The following COA5 variants were observed in gnomAD, a reference collection of about 807,000 sequenced individuals.
The protein encoded by COA5 is protein C2orf64.
Under a neutral mutation model 11.8 loss-of-function variants are expected in COA5, and 11 were observed. The observed-to-expected ratio is 0.93, with a 90% confidence interval of 0.59 to 1.54. COA5 has a LOEUF of 1.54. Among genes scored for constraint, COA5 ranks in the 40% most tolerant of loss-of-function variants. The pLI is 0.00. For missense variants in COA5, 87 were observed against 89.2 expected (o/e 0.97, Z 0.10); for synonymous variants, 38 against 37.5 (o/e 1.01, Z -0.05).
chr2:98,608,367 C>T lies in COA5; in HGVS notation c.39G>A (p.Ala13=). The change falls in exon 1 of 3, where the codon GCG becomes GCA. Residue 13 remains alanine, a synonymous_variant. Coordinates refer to ENST00000328709, the MANE Select transcript of COA5 (RefSeq NM_001008215.3). ...KYYEDKPQGG[A]CAGLKEDLGA... is the part of the protein sequence containing the mutation. ...CCAGGTCCTCCTTCAGGCCCGCGCA[C>T]GCGCCGCCCTGCGGCTTGTCCTCAT... 1 of 1,609,556 alleles carries T rather than the reference C, an allele frequency of 6.2e-7. No individual in the cohort carries two copies. The highest frequency in any genetic ancestry group is 1.7e-5 in the Admixed American group (1 of 59,716).
intron 2 of COA5, among the ~76,000 whole-genome samples, chr2:98,601,846 G>A (rs763697845): frequency 4.6e-5 from 7 of 152,150 alleles, no homozygotes; most frequent in African/African-American, 7.2e-5. Context: ...TAGGTGGTAC[G>A]TTCCTTATGA....
Position 98,608,383 on chromosome 2 carries a change from T to C in COA5, c.23A>G (p.Lys8Arg), listed in dbSNP as rs776652663. Reference protein sequence around the residue: MPKYYEDKPQGGACAGLK... With the variant: MPKYYEDRPQGGACAGLK... ...GCCCGCGCACGCGCCGCCCTGCGGC[T>C]TGTCCTCATAATACTTAGGCATGAC... The change falls in exon 1 of 3, where the codon AAG becomes AGG. Residue 8 changes from lysine to arginine, a missense_variant. Transcript: ENST00000328709. 14 of 1,604,814 alleles carry C rather than the reference T, an allele frequency of 8.7e-6. No individual in the cohort carries two copies. The East Asian group carries it at 2.9e-4, about 33-fold the overall frequency.
intron 2 of COA5, among the ~76,000 whole-genome samples, chr2:98,603,479 CAAACAAA>C (rs573581244): frequency 5.9e-5 from 9 of 151,382 alleles, no homozygotes; most frequent in South Asian, 2.1e-4. Context: ...GACTCCGTCT[CAAACAAA>C]AAACAAAAAA....
At position 98,608,379 on chromosome 2, in the gene COA5, C is replaced by A. The variant is rs145492496; in HGVS notation, c.27G>T (p.Pro9=). MPKYYEDK[P]QGGACAGLKE... The stretch of plus-strand genomic sequence containing the variant: ...TCAGGCCCGCGCACGCGCCGCCCTG[C>A]GGCTTGTCCTCATAATACTTAGGCA... Residue 9 remains proline, a synonymous_variant, in exon 1 of 3, where the codon CCG becomes CCT. Coordinates refer to ENST00000328709, the MANE Select transcript of COA5 (RefSeq NM_001008215.3). The A allele has an allele frequency of 5.3e-5, 85 of 1,605,402 alleles. No individual in the cohort carries two copies. In the African/African-American group the frequency reaches 1.1e-3, roughly 21 times the overall value.
rs200616122 is a variant in COA5, at chr2:98,604,359, G to GA, written c.100-169dup. The stretch of plus-strand genomic sequence containing the variant: ...TTTGGGCTATTGGTGCCTAAAGAAT[G>GA]AAAAAAAAATTGTAAAGTAACTTGG... On this transcript the variant is annotated intron_variant, in intron 1 of 2. Coordinates refer to ENST00000328709, the MANE Select transcript of COA5 (RefSeq NM_001008215.3). 2,685 of 587,100 alleles carry GA rather than the reference G, an allele frequency of 4.6e-3. 37 individuals are homozygous for GA. Among genetic ancestry groups the GA allele is most frequent in the African/African-American group, 0.039 (2,048 of 52,934 alleles). 36.4% of individuals were successfully genotyped at this position (587,100 alleles called of 1,614,324 possible). A position where few individuals can be genotyped will look rare whatever the true frequency, so the allele number is the denominator to read the frequency against.
intron 2 of COA5, among the ~76,000 whole-genome samples, chr2:98,603,483 C>T (rs1459918740): frequency 6.6e-6 from 1 of 150,794 alleles, no homozygotes; most frequent in African/African-American, 2.4e-5. Context: ...CCGTCTCAAA[C>T]AAAAAACAAA....
intron 2 of COA5, among the ~76,000 whole-genome samples, chr2:98,601,433 T>C (rs1700640012): frequency 1.3e-5 from 2 of 152,222 alleles, no homozygotes; most frequent in African/African-American, 4.8e-5. Context: ...TGATGAGCCC[T>C]GAAAAATGTT....
chr2:98,608,378 GC>G lies in COA5; in HGVS notation c.27del (p.Gln10ArgfsTer8), dbSNP rs752213779. On this transcript the variant is annotated frameshift_variant, in exon 1 of 3. Transcript: ENST00000328709. LOFTEE classifies it high-confidence loss of function. MPKYYEDK[P>X]QGGACAGLKE... is the part of the protein sequence containing the mutation. ...TTCAGGCCCGCGCACGCGCCGCCCTGCGGCTTGTCCTCATAATACTTAGGCA... is the reference window on the plus strand; with the variant it reads ...TTCAGGCCCGCGCACGCGCCGCCCTGGGCTTGTCCTCATAATACTTAGGCA... 6 of 1,606,068 alleles carry G rather than the reference GC, an allele frequency of 3.7e-6. No homozygotes were observed. The East Asian group carries it at 1.3e-4, about 36-fold the overall frequency.
chr2:98,605,640 G>A (rs1400936455), intron 1 of COA5: 1 of 152,206 alleles, frequency 6.6e-6, no homozygotes, highest in Non-Finnish European at 1.5e-5. Flanking sequence ...GCCTTCTGAG[G>A]TCAAGATCAG....
chr2:98,608,127 C>T (rs1362943047), intron 1 of COA5, 180 bp downstream of exon 1: 1 of 621,070 alleles, frequency 1.6e-6, no homozygotes, highest in South Asian at 1.9e-5. Context: ...CGATTTAACC[C>T]CACAGGGAAC....
At chr2:98,601,850 C>T (rs1700645403) in intron 2 of COA5, among the ~76,000 whole-genome samples, 1 of 152,144 alleles carries the variant, frequency 6.6e-6, no homozygotes, top group African/African-American at 2.4e-5. Flanking sequence ...TGGTACGTTC[C>T]TTATGAGAAT....
At chr2:98,604,858 A>G (rs1700687834) in intron 1 of COA5, 1 of 152,396 alleles carries the variant, frequency 6.6e-6, no homozygotes, top group Non-Finnish European at 1.5e-5. Context: ...TGGGTCCTAG[A>G]TATCAAATGT....
intron 1 of COA5, among the ~76,000 whole-genome samples, chr2:98,607,685 C>T (rs1171864704): frequency 6.6e-6 from 1 of 152,230 alleles, no homozygotes; most frequent in Non-Finnish European, 1.5e-5. Flanking sequence ...AACCTCACTA[C>T]ATGTTTCAGT....
intron 2 of COA5, among the ~76,000 whole-genome samples, chr2:98,602,075 C>T (rs1700649152): frequency 6.6e-6 from 1 of 152,084 alleles, no homozygotes; most frequent in Non-Finnish European, 1.5e-5. Context: ...TCACTGAGCA[C>T]TAGGTAAAGT....
In COA5 at chr2:98,604,244, T is replaced by C. The variant is rs4851144; in HGVS notation, c.100-53A>G. On this transcript the variant is annotated intron_variant, in intron 1 of 2. Transcript: ENST00000328709. ...ACACCTTGGAAATTTTCTCACAAAG[T>C]ACAAAATAATTGTCCTTCTGAAAAT... 0.25 allele frequency: 329,830 copies of C among 1,296,498 alleles called. 43,088 individuals are homozygous for C. Among genetic ancestry groups the C allele is most frequent in the Middle Eastern group, 0.31 (1,645 of 5,232 alleles). 80.3% of individuals were successfully genotyped at this position (1,296,498 alleles called of 1,614,324 possible).
chr2:98,606,387 GTA>G (rs984653557), intron 1 of COA5, among the ~76,000 whole-genome samples: 3 of 152,160 alleles, frequency 2.0e-5, no homozygotes, highest in African/African-American at 7.2e-5. Context: ...AACACAAACT[GTA>G]TACGAACTTC....
At chr2:98,605,167 T>A (rs776428455) in intron 1 of COA5, among the ~76,000 whole-genome samples, 2 of 152,196 alleles carry the variant, frequency 1.3e-5, no homozygotes, top group Non-Finnish European at 2.9e-5. Flanking sequence ...CCACCCCAAA[T>A]AACAGACTGC....
At chr2:98,601,868 C>T (rs2106592557) in intron 2 of COA5, among the ~76,000 whole-genome samples, 1 of 152,260 alleles carries the variant, frequency 6.6e-6, no homozygotes, top group South Asian at 2.1e-4. Flanking sequence ...AATCTAATGC[C>T]TGATGACCTG....
intron 1 of COA5, chr2:98,604,667 A>AT (rs1700686020): frequency 1.2e-5 from 2 of 164,742 alleles, no homozygotes; most frequent in African/African-American, 4.8e-5. Context: ...ATAATCAGGG[A>AT]TTTTCCCTCA....
Sources: allele counts gnomAD v4.1 joint callset (sites outside exome capture counted in the v4.1 genomes callset), GRCh38; gene constraint gnomAD v4.1.1; transcripts MANE v1.5; gene names NCBI Gene and HGNC (gene_info 2026-07-23, HGNC 2026-07-21).